CDH13: variants seen among roughly 807,000 people sequenced by gnomAD.
CDH13 encodes the protein cadherin 13.
In CDH13, 24 loss-of-function variants were observed where a neutral mutation model predicts 63.8. That is an observed-to-expected ratio of 0.38 (90% CI 0.27 to 0.53). The LOEUF (loss-of-function observed/expected upper bound fraction) is 0.53. Among genes scored for constraint, CDH13 ranks in the 20% least tolerant of loss-of-function variants. CDH13 has a pLI of 0.85. For missense variants in CDH13, 1,049 were observed against 903.1 expected (o/e 1.16, Z -2.07); for synonymous variants, 503 against 355.3 (o/e 1.42, Z -4.67).
chr16:82,904,502 A>T (rs547345805), intron 2 of CDH13, among the ~76,000 whole-genome samples: 39 of 152,284 alleles, frequency 2.6e-4, no homozygotes, highest in African/African-American at 8.2e-4. Flanking sequence ...ACGGGGGAAA[A>T]CTATTAGGTT....
intron 2 of CDH13, among the ~76,000 whole-genome samples, chr16:83,014,670 G>A (rs1244264057): frequency 2.1e-5 from 3 of 144,796 alleles, no homozygotes; most frequent in Non-Finnish European, 4.5e-5. Context: ...GGCAGAGGTT[G>A]CAGTGAGCTG....
At chr16:82,975,855 T>G (rs2151378045) in intron 2 of CDH13, among the ~76,000 whole-genome samples, 1 of 151,848 alleles carries the variant, frequency 6.6e-6, no homozygotes, top group South Asian at 2.1e-4. Flanking sequence ...AAAATGGGGG[T>G]TTCCTTTTAG....
chr16:83,299,089 G>A (rs1187515792), intron 5 of CDH13, among the ~76,000 whole-genome samples: 2 of 151,990 alleles, frequency 1.3e-5, no homozygotes, highest in Admixed American at 1.3e-4. Flanking sequence ...ATGTACATAT[G>A]CATATAATTT....
chr16:82,929,151 C>A (rs1018363849), intron 2 of CDH13, among the ~76,000 whole-genome samples: 15 of 152,074 alleles, frequency 9.9e-5, no homozygotes, highest in Non-Finnish European at 1.9e-4. Context: ...TAATTGTTCA[C>A]TAAAGTATAG....
At chr16:83,151,396 C>T (rs562374261) in intron 4 of CDH13, among the ~76,000 whole-genome samples, 6 of 152,324 alleles carry the variant, frequency 3.9e-5, no homozygotes, top group Admixed American at 2.6e-4. Context: ...TTCCAACCAA[C>T]TCAGCCAGTC....
chr16:83,235,726 A>C (rs1331154995), intron 5 of CDH13, among the ~76,000 whole-genome samples: 1 of 152,108 alleles, frequency 6.6e-6, no homozygotes, highest in Non-Finnish European at 1.5e-5. Context: ...AAAATTATGT[A>C]GATATTATTC....
At chr16:83,086,175 T>A (rs1357063780) in intron 3 of CDH13, among the ~76,000 whole-genome samples, 3 of 152,156 alleles carry the variant, frequency 2.0e-5, no homozygotes. Context: ...GTTCACTACA[T>A]GTTTAAGGCA....
intron 5 of CDH13, among the ~76,000 whole-genome samples, chr16:83,234,810 A>G (rs567284482): frequency 1.3e-5 from 2 of 152,344 alleles, no homozygotes; most frequent in South Asian, 4.1e-4. Context: ...AGTGTCTGGA[A>G]AAAGGTTACA....
rs10220931 is a variant in CDH13 at position 83,707,687 on chromosome 16, C to T, written c.1538+29226C>T. 4.6e-3 allele frequency among the ~76,000 whole-genome samples: 694 copies of T among 151,918 alleles called. 6 individuals carry two copies. The highest frequency in any genetic ancestry group is 0.016 in the African/African-American group (652 of 41,384). ...CGTGTATCATATCCCTGACATGCCG[C>T]ACTGTGCTATTGATCTGGTGGCCGT... On this transcript the variant is annotated intron_variant, in intron 10 of 13. Coordinates refer to ENST00000567109, the MANE Select transcript of CDH13 (RefSeq NM_001257.5).
Position 83,162,696 on chromosome 16 carries a change from T to C in CDH13, c.483+37195T>C, listed in dbSNP as rs947852898. On this transcript the variant is annotated intron_variant, in intron 4 of 13. Transcript: ENST00000567109. The stretch of plus-strand genomic sequence containing the variant: ...ATGCATAAAGAAGGCCCTACACCAC[T>C]ACCACTACCACCACCCTCTGACACA... Among the ~76,000 whole-genome samples the C allele has an allele frequency of 2.0e-5, 3 of 152,046 alleles. No individual in the cohort carries two copies. The East Asian group carries it at 5.8e-4, about 29-fold the overall frequency.
intron 10 of CDH13, among the ~76,000 whole-genome samples, chr16:83,691,657 C>T (rs116772668): frequency 7.8e-4 from 118 of 152,046 alleles, no homozygotes; most frequent in African/African-American, 2.8e-3. Flanking sequence ...ACTTGGCAGC[C>T]CGACCGCAAA....
intron 10 of CDH13, chr16:83,728,915 C>A: frequency 6.5e-6 from 1 of 153,520 alleles, no homozygotes; most frequent in South Asian, 1.9e-4. Context: ...CTGGTTCAGT[C>A]TCTGGGGAGG....
intron 4 of CDH13, among the ~76,000 whole-genome samples, chr16:83,126,488 C>T (rs2035817812): frequency 6.6e-6 from 1 of 152,058 alleles, no homozygotes; most frequent in Non-Finnish European, 1.5e-5. Flanking sequence ...TTGGGAAGAG[C>T]TGTTTTGGCT....
chr16:82,679,452 G>T (rs931963233), intron 1 of CDH13, among the ~76,000 whole-genome samples: 2 of 152,196 alleles, frequency 1.3e-5, no homozygotes, highest in African/African-American at 2.4e-5. Context: ...AAAATGGCTT[G>T]TGAGCATGGA....
chr16:82,858,828 G>T, intron 2 of CDH13: 1 of 337,964 alleles, frequency 3.0e-6, no homozygotes, highest in Non-Finnish European at 5.4e-6. Flanking sequence ...CTCGCAGATT[G>T]CTGTTCTACC....
intron 4 of CDH13, among the ~76,000 whole-genome samples, chr16:83,127,461 G>T (rs4782750): frequency 3.9e-5 from 6 of 152,012 alleles, no homozygotes; most frequent in Admixed American, 3.3e-4. Context: ...CGGGCATGGT[G>T]GTTCACGCCT....
chr16:83,389,533 T>C (rs1484002612), intron 6 of CDH13, among the ~76,000 whole-genome samples: 1 of 152,196 alleles, frequency 6.6e-6, no homozygotes, highest in Non-Finnish European at 1.5e-5. Context: ...CACATTCTTC[T>C]CCTCCTCAAT....
chr16:83,493,261 C>G (rs1474270116), intron 7 of CDH13, among the ~76,000 whole-genome samples: 1 of 152,182 alleles, frequency 6.6e-6, no homozygotes, highest in Non-Finnish European at 1.5e-5. Context: ...TGGAGTTTCT[C>G]CTACAGGACG....
intron 6 of CDH13, among the ~76,000 whole-genome samples, chr16:83,414,173 T>A (rs1378067207): frequency 2.0e-5 from 3 of 152,190 alleles, no homozygotes; most frequent in Non-Finnish European, 2.9e-5. Flanking sequence ...TAGCTGTTTT[T>A]CTTATTTGGT....
Sources: gnomAD v4.1 joint callset for allele counts (sites outside exome capture counted in the v4.1 genomes callset) on GRCh38, gnomAD v4.1.1 for gene constraint, MANE v1.5 for transcripts, NCBI Gene and HGNC (gene_info 2026-07-23, HGNC 2026-07-21) for gene names.